YWHAE: variants seen among roughly 807,000 people sequenced by gnomAD.
YWHAE encodes the protein 14-3-3 protein epsilon.
Under a neutral mutation model 30.1 loss-of-function variants are expected in YWHAE, and 4 were observed. That is an observed-to-expected ratio of 0.13 (90% CI 0.07 to 0.30). The LOEUF (loss-of-function observed/expected upper bound fraction) is 0.30, where lower values mean the gene tolerates loss of function less well. YWHAE is among the 10% of genes least tolerant of loss of function. The pLI is 1.00. For missense variants in YWHAE, 121 were observed against 315.9 expected (o/e 0.38, Z 4.68); for synonymous variants, 118 against 111.8 (o/e 1.06, Z -0.35).
intron 2 of YWHAE, among the ~76,000 whole-genome samples, chr17:1,362,289 G>C (rs2072876510): frequency 1.3e-5 from 2 of 152,068 alleles, no homozygotes; most frequent in Admixed American, 1.3e-4. Context: ...CCACAGTACA[G>C]CTACAGAATT....
intron 1 of YWHAE, among the ~76,000 whole-genome samples, chr17:1,385,455 T>G (rs1165372251): frequency 6.6e-6 from 1 of 152,166 alleles, no homozygotes; most frequent in Non-Finnish European, 1.5e-5. Context: ...TCCCAGAGCT[T>G]CTTATCCAGC....
intron 4 of YWHAE, among the ~76,000 whole-genome samples, chr17:1,357,508 A>T (rs1198471430): frequency 6.6e-6 from 1 of 151,738 alleles, no homozygotes; most frequent in Non-Finnish European, 1.5e-5. Context: ...TGAACCCAGG[A>T]GGCTGAGCTT....
chr17:1,384,286 G>A (rs2073264153), intron 1 of YWHAE, among the ~76,000 whole-genome samples: 1 of 151,532 alleles, frequency 6.6e-6, no homozygotes, highest in Non-Finnish European at 1.5e-5. Flanking sequence ...AGAGGTGGGA[G>A]GATTGCTTGA....
At chr17:1,399,112 TA>T (rs1346867749) in intron 1 of YWHAE, 2 of 152,026 alleles carry the variant, frequency 1.3e-5, no homozygotes, top group Non-Finnish European at 2.9e-5. Context: ...GCACAAACTG[TA>T]AAGTCATCGT....
At chr17:1,357,621 A>T (rs1366644739) in intron 4 of YWHAE, among the ~76,000 whole-genome samples, 10 of 151,558 alleles carry the variant, frequency 6.6e-5, no homozygotes, top group Non-Finnish European at 1.2e-4. Flanking sequence ...CTACTGCAAT[A>T]TTTACTGTAA....
chr17:1,373,332 A>C (rs1271984596), intron 1 of YWHAE, among the ~76,000 whole-genome samples: 3 of 152,084 alleles, frequency 2.0e-5, no homozygotes, highest in Non-Finnish European at 4.4e-5. Flanking sequence ...TAGTAACGTC[A>C]AAGATTACTG....
intron 1 of YWHAE, among the ~76,000 whole-genome samples, chr17:1,388,784 T>C (rs2073346090): frequency 6.6e-6 from 1 of 152,152 alleles, no homozygotes; most frequent in Non-Finnish European, 1.5e-5. Context: ...GCATTAAGTA[T>C]TTCATACTCA....
intron 5 of YWHAE, among the ~76,000 whole-genome samples, chr17:1,350,456 C>T (rs184336088): frequency 6.6e-6 from 1 of 150,692 alleles, no homozygotes; most frequent in Admixed American, 6.6e-5. Context: ...TGTTTCGTTT[C>T]TTTGAGACAG....
intron 1 of YWHAE, among the ~76,000 whole-genome samples, chr17:1,375,976 T>C (rs576682304): frequency 6.4e-4 from 98 of 152,366 alleles, no homozygotes; most frequent in Non-Finnish European, 1.2e-3. Flanking sequence ...AATGCTTCGC[T>C]GTATTAATGT....
rs114795352 is a variant in YWHAE at position 1,372,190 on chromosome 17, A to G, written c.65-7132T>C. 2.0e-3 allele frequency among the ~76,000 whole-genome samples: 307 copies of G among 152,246 alleles called. 1 individual carries two copies. Among genetic ancestry groups the G allele is most frequent in the African/African-American group, 7.2e-3 (298 of 41,568 alleles). On this transcript the variant is annotated intron_variant, in intron 1 of 5. Coordinates refer to ENST00000264335, the MANE Select transcript of YWHAE (RefSeq NM_006761.5). ...TGGCATCTTTCCTTAAACCTTACTA[A>G]CCAACCTCTGCTAGGTTCCAGCTTT...
chr17:1,369,300 C>A (rs1335312365), intron 1 of YWHAE, among the ~76,000 whole-genome samples: 1 of 152,160 alleles, frequency 6.6e-6, no homozygotes, highest in Non-Finnish European at 1.5e-5. Flanking sequence ...TCAAGAACAG[C>A]CTGGCCAACA....
At chr17:1,395,226 C>A (rs1427096095) in intron 1 of YWHAE, among the ~76,000 whole-genome samples, 1 of 152,018 alleles carries the variant, frequency 6.6e-6, no homozygotes, top group Non-Finnish European at 1.5e-5. Context: ...AACCCTGTCT[C>A]TACCAAAAAC....
At chr17:1,381,149 C>T (rs1231625287) in intron 1 of YWHAE, among the ~76,000 whole-genome samples, 2 of 152,292 alleles carry the variant, frequency 1.3e-5, no homozygotes, top group Non-Finnish European at 2.9e-5. Context: ...CTTCGGGAGG[C>T]TAACAATCAC....
At chr17:1,391,358 C>T (rs1021950238) in intron 1 of YWHAE, among the ~76,000 whole-genome samples, 4 of 152,046 alleles carry the variant, frequency 2.6e-5, no homozygotes, top group East Asian at 3.8e-4. Context: ...AGCTGGACAA[C>T]GTTTAGGAAA....
At chr17:1,399,859 G>A (rs1009910417) in intron 1 of YWHAE, 188 bp downstream of exon 1, 7 of 669,994 alleles carry the variant, frequency 1.0e-5, no homozygotes, top group African/African-American at 3.6e-5. Flanking sequence ...GGACGGCGAA[G>A]GGGTCACATT....
chr17:1,355,317 C>G (rs529799857), intron 4 of YWHAE, among the ~76,000 whole-genome samples: 2 of 150,736 alleles, frequency 1.3e-5, no homozygotes, highest in South Asian at 4.2e-4. Context: ...CCACCACACC[C>G]GGCTGATTTG....
intron 5 of YWHAE, among the ~76,000 whole-genome samples, chr17:1,348,523 A>G (rs1187524167): frequency 6.6e-6 from 1 of 152,244 alleles, no homozygotes; most frequent in Admixed American, 6.5e-5. Flanking sequence ...ATGCAAAGTC[A>G]CATCCTAGTA....
intron 4 of YWHAE, among the ~76,000 whole-genome samples, chr17:1,356,310 A>G (rs1453523369): frequency 6.6e-6 from 1 of 152,138 alleles, no homozygotes; most frequent in East Asian, 1.9e-4. Flanking sequence ...CGGAGGTTGC[A>G]GTGAGGTGAA....
At position 1,400,032 on chromosome 17, in the gene YWHAE, G is replaced by GGC; in HGVS notation, c.64+14_64+15insGC. On this transcript the variant is annotated intron_variant, in intron 1 of 5. Transcript: ENST00000264335. Reference sequence around the variant, plus strand: ...GGTCCGAGAATTCCAGCCCCCCGTTGCCCCCCCAACTCACCGTCGTATCGC... The same window carrying GGC: ...GGTCCGAGAATTCCAGCCCCCCGTTGGCCCCCCCCAACTCACCGTCGTATCGC... 3.7e-6 allele frequency: 6 copies of GGC among 1,607,170 alleles called. No homozygotes were observed. Among genetic ancestry groups the GGC allele is most frequent in the African/African-American group, 1.3e-5 (1 of 74,566 alleles).
Sources: allele counts gnomAD v4.1 joint callset (sites outside exome capture counted in the v4.1 genomes callset), GRCh38; gene constraint gnomAD v4.1.1; transcripts MANE v1.5; gene names NCBI Gene and HGNC (gene_info 2026-07-23, HGNC 2026-07-21).